MOB2: variants seen among roughly 807,000 people sequenced by gnomAD.
MOB2 encodes MOB2 Mps One Binder homolog.
MOB2 carries 14 observed loss-of-function variants against 27.4 expected under a neutral mutation model. The observed-to-expected ratio is 0.51, with a 90% CI of 0.34 to 0.80. MOB2 has a LOEUF of 0.80. MOB2 is among the 30% of genes least tolerant of loss of function. The probability of loss-of-function intolerance (pLI) is 0.01; values close to 1 mark genes in which losing one functional copy is unlikely to be tolerated. For missense variants in MOB2, 304 were observed against 354.6 expected, an observed-to-expected ratio of 0.86 and a Z score of 1.15; for synonymous variants, 167 against 151.8, an observed-to-expected ratio of 1.10 and a Z score of -0.74.
In MOB2 at chr11:1,486,610, A is replaced by G; in HGVS notation, c.-54T>C. On this transcript the variant is annotated 5_prime_UTR_variant, in exon 1 of 5. Coordinates refer to ENST00000329957, the MANE Select transcript of MOB2 (RefSeq NM_001172223.3). ...AAGCGGGGCGGGGTGCCGGCTGGCC[A>G]GCACTCGCAAATGCCTGCTGCCGGG... 7.8e-7 allele frequency: 1 copy of G among 1,277,654 alleles called. No homozygotes were observed. The highest frequency in any genetic ancestry group is 1.1e-6 in the Non-Finnish European group (1 of 915,996). 79.1% of individuals were successfully genotyped at this position (1,277,654 alleles called of 1,614,324 possible).
intron 1 of MOB2, 87 bp downstream of exon 1, chr11:1,486,360 C>A: frequency 9.5e-7 from 1 of 1,056,622 alleles, no homozygotes; most frequent in Admixed American, 2.0e-5. Context: ...TCCGCCGCCT[C>A]CCCACCCTGA....
chr11:1,473,537 C>T (rs1847819437), intron 3 of MOB2: 1 of 152,168 alleles, frequency 6.6e-6, no homozygotes. Flanking sequence ...CTCCAGGTAC[C>T]CTGACACTGC....
intron 3 of MOB2, among the ~76,000 whole-genome samples, chr11:1,475,164 C>T (rs769887289): frequency 3.7e-4 from 56 of 152,138 alleles, no homozygotes; most frequent in African/African-American, 7.5e-4. Flanking sequence ...AACTAAGGAT[C>T]GCATTATTTT....
intron 1 of MOB2, among the ~76,000 whole-genome samples, chr11:1,484,213 A>G (rs961909923): frequency 1.3e-5 from 2 of 152,162 alleles, no homozygotes; most frequent in African/African-American, 4.8e-5. Flanking sequence ...CAGCAGCAGG[A>G]GGTGGCCCTC....
At chr11:1,486,329 G>A (rs1257966766) in intron 1 of MOB2, 118 bp downstream of exon 1, 35 of 758,056 alleles carry the variant, frequency 4.6e-5, no homozygotes, top group African/African-American at 8.6e-5. Context: ...GGCCACACTG[G>A]GAGGGCAGCC....
In MOB2 at chr11:1,479,682, A is replaced by C. The variant is rs115493230; in HGVS notation, c.365+711T>G. ...CATGTCTGTGGGCAGGATGACTTTC[A>C]GGACGCACTCACAGGCACACATTCT... On this transcript the variant is annotated intron_variant, in intron 3 of 4. Coordinates refer to ENST00000329957, the MANE Select transcript of MOB2 (RefSeq NM_001172223.3). Among the ~76,000 whole-genome samples the C allele has an allele frequency of 5.5e-3, 843 of 152,326 alleles. 11 individuals carry two copies. Among genetic ancestry groups the C allele is most frequent in the African/African-American group, 0.019 (805 of 41,582 alleles).
At chr11:1,471,759 A>G (rs1294466640) in intron 3 of MOB2, 7 of 233,802 alleles carry the variant, frequency 3.0e-5, no homozygotes, top group African/African-American at 1.6e-4. Context: ...TCGTTTACAC[A>G]AGTGCGTGCT....
In MOB2 at chr11:1,470,160, G is replaced by A. The variant is rs769324495; in HGVS notation, c.*12C>T. The A allele has an allele frequency of 1.3e-5, 21 of 1,582,362 alleles. No homozygotes were observed. Among genetic ancestry groups the A allele is most frequent in the Admixed American group, 1.1e-4 (6 of 54,798 alleles). ...TCTTTGCACACGTGTGCCCCTGTCC[G>A]GCCCGGGGGGCTCATCTCTCCTTCA... On this transcript the variant is annotated 3_prime_UTR_variant, in exon 5 of 5. Transcript: ENST00000329957.
At chr11:1,480,687 G>T (rs777473160) in intron 2 of MOB2, 38 bp downstream of exon 2, 2 of 1,590,634 alleles carry the variant, frequency 1.3e-6, no homozygotes, top group Non-Finnish European at 1.7e-6. Flanking sequence ...GGAGGAGCAG[G>T]GAGGAGGGAG....
chr11:1,482,917 C>T (rs920060232), intron 1 of MOB2, among the ~76,000 whole-genome samples: 1 of 152,194 alleles, frequency 6.6e-6, no homozygotes, highest in African/African-American at 2.4e-5. Flanking sequence ...CCCAGAAGGG[C>T]AGGCTCTCAG....
chr11:1,473,632 T>C (rs1156302174), intron 3 of MOB2, among the ~76,000 whole-genome samples: 7 of 152,312 alleles, frequency 4.6e-5, no homozygotes, highest in Non-Finnish European at 8.8e-5. Flanking sequence ...TTTTCCACAA[T>C]GCAAACCCAG....
intron 1 of MOB2, chr11:1,481,192 C>T (rs1847910335): frequency 2.0e-6 from 1 of 490,226 alleles, no homozygotes; most frequent in South Asian, 1.9e-5. Context: ...CAGGGAGGGG[C>T]CCAGGGTTTA....
At chr11:1,472,940 G>C (rs1362515724) in intron 3 of MOB2, 2 of 153,448 alleles carry the variant, frequency 1.3e-5, no homozygotes, top group Non-Finnish European at 2.9e-5. Flanking sequence ...CTCAGCCTGT[G>C]CACTGCAGAT....
Position 1,470,068 on chromosome 11 carries a change from C to A in MOB2, c.*104G>T. The A allele has an allele frequency of 6.5e-7, 1 of 1,540,140 alleles. No homozygotes were observed. Among genetic ancestry groups the A allele is most frequent in the Non-Finnish European group, 8.7e-7 (1 of 1,146,818 alleles). ...CAGTGCAGCCCGGGGCCCTCTCAGACCTCACCACACGCGTGCCCAGCACAT... is the reference window on the plus strand; with the variant it reads ...CAGTGCAGCCCGGGGCCCTCTCAGAACTCACCACACGCGTGCCCAGCACAT... On this transcript the variant is annotated 3_prime_UTR_variant, in exon 5 of 5. Transcript: ENST00000329957.
chr11:1,485,652 C>T lies in MOB2; in HGVS notation c.110+795G>A, dbSNP rs114464406. Among the ~76,000 whole-genome samples, 1,484 of 152,228 alleles carry T rather than the reference C, an allele frequency of 9.7e-3. 18 individuals carry two copies. Among genetic ancestry groups the T allele is most frequent in the African/African-American group, 0.034 (1,404 of 41,532 alleles). On this transcript the variant is annotated intron_variant, in intron 1 of 4. Transcript: ENST00000329957. Reference sequence around the variant, plus strand: ...CGCCTCACACCCCCACCAGGCAACCCCACCCGGGAGGACACACTCACTGCT... The same window carrying T: ...CGCCTCACACCCCCACCAGGCAACCTCACCCGGGAGGACACACTCACTGCT...
chr11:1,470,026 G>A lies in MOB2; in HGVS notation c.*146C>T. The A allele has an allele frequency of 6.5e-7, 1 of 1,532,766 alleles. No individual in the cohort carries two copies. The highest frequency in any genetic ancestry group is 1.2e-5 in the South Asian group (1 of 83,234). The allele number at this position is 1,532,766 out of a possible 1,614,324, so 94.9% of individuals were successfully genotyped here. The stretch of plus-strand genomic sequence containing the variant: ...CACGGCCGGGGCCGTCTGCGTCTGT[G>A]CCTGTGCAGCCCACACCAGTGCAGC... On this transcript the variant is annotated 3_prime_UTR_variant, in exon 5 of 5. Transcript: ENST00000329957.
rs766744173 is a variant in MOB2, at chr11:1,469,543, G to A, written c.*629C>T. On this transcript the variant is annotated 3_prime_UTR_variant, in exon 5 of 5. Transcript: ENST00000329957. ...CCTTCCGCTGGTGCAGCATCTCCAC[G>A]CAGGGCCTCAGCCCCGTCCTGGCCT... 21 of 456,404 alleles carry A rather than the reference G, an allele frequency of 4.6e-5. No individual in the cohort carries two copies. The highest frequency in any genetic ancestry group is 1.2e-4 in the African/African-American group (6 of 50,178). 28.3% of individuals were successfully genotyped at this position (456,404 alleles called of 1,614,324 possible). A position where few individuals can be genotyped will look rare whatever the true frequency, so the allele number is the denominator to read the frequency against.
intron 3 of MOB2, chr11:1,471,690 T>C: frequency 2.6e-6 from 1 of 379,048 alleles, no homozygotes; most frequent in Non-Finnish European, 4.7e-6. Flanking sequence ...TGTACAGGTG[T>C]GTGATTAAAT....
At position 1,486,448 on chromosome 11, in the gene MOB2, T is replaced by C. The variant is rs149687460; in HGVS notation, c.109A>G (p.Arg37Gly). Residue 37 changes from arginine (R) to glycine (G), a missense_variant and splice_region_variant, in exon 1 of 5, where the codon AGG becomes GGG. Physicochemically the swap from Arg to Gly is moderately radical, Grantham distance 125 (BLOSUM62 -2). Transcript: ENST00000329957. ...CCCAGCCAGGCTGGCAGGTGTTACCTGAGCACTTTGCTGACAGCCTGAAGC... is the reference window on the plus strand; with the variant it reads ...CCCAGCCAGGCTGGCAGGTGTTACCCGAGCACTTTGCTGACAGCCTGAAGC... ...MVLQAVSKVLRKSKAKPNGKK... is the reference protein window; with the variant it reads ...MVLQAVSKVLGKSKAKPNGKK... 2,104 of 1,535,134 alleles carry C rather than the reference T, an allele frequency of 1.4e-3. 5 individuals carry two copies. The highest frequency in any genetic ancestry group is 1.7e-3 in the Non-Finnish European group (2,005 of 1,146,166).
Sources: allele counts gnomAD v4.1 joint callset (sites outside exome capture counted in the v4.1 genomes callset), GRCh38; gene constraint gnomAD v4.1.1; transcripts MANE v1.5; gene names NCBI Gene and HGNC (gene_info 2026-07-23, HGNC 2026-07-21).